Variants in PDE10A observed in about 807,000 individuals in gnomAD.
PDE10A encodes the protein cAMP and cAMP-inhibited cGMP 3',5'-cyclic phosphodiesterase 10A.
Under a neutral mutation model 97.7 loss-of-function variants are expected in PDE10A, and 39 were observed. The ratio of observed to expected loss-of-function variants is 0.40; its 90% CI spans 0.31 to 0.52. The LOEUF is 0.52. PDE10A is among the 20% of genes least tolerant of loss of function. The pLI, the probability that PDE10A is intolerant of heterozygous loss-of-function variation, is 0.56. For missense variants in PDE10A, 731 were observed against 1,047.8 expected, an observed-to-expected ratio of 0.70 and a Z score of 4.17; for synonymous variants, 371 against 376.8, an observed-to-expected ratio of 0.98 and a Z score of 0.18.
chr6:165,987,177 C>T (rs920944827), intron 1 of PDE10A, among the ~76,000 whole-genome samples: 1 of 152,168 alleles, frequency 6.6e-6, no homozygotes, highest in Non-Finnish European at 1.5e-5. Flanking sequence ...GCGCAGCCCT[C>T]GCTGGGAACT....
chr6:165,760,722 C>T (rs564694148), intron 1 of PDE10A, among the ~76,000 whole-genome samples: 60 of 152,214 alleles, frequency 3.9e-4, no homozygotes, highest in African/African-American at 1.4e-3. Flanking sequence ...CTCAGTTGAT[C>T]CTTTGATGTG....
chr6:165,844,493 G>A (rs868665517), intron 1 of PDE10A, among the ~76,000 whole-genome samples: 5 of 152,166 alleles, frequency 3.3e-5, no homozygotes, highest in African/African-American at 7.2e-5. Context: ...CTCTGTTTTC[G>A]AAAATGAACA....
chr6:165,548,457 G>C (rs1783848779), intron 1 of PDE10A, among the ~76,000 whole-genome samples: 1 of 151,660 alleles, frequency 6.6e-6, no homozygotes, highest in East Asian at 1.9e-4. Context: ...GAATAAAATA[G>C]GTTTTTAGTC....
At chr6:165,630,067 G>C (rs1296175685) in intron 1 of PDE10A, among the ~76,000 whole-genome samples, 2 of 152,094 alleles carry the variant, frequency 1.3e-5, no homozygotes, top group Non-Finnish European at 2.9e-5. Context: ...TCATATAGGG[G>C]CCAGGCACAG....
intron 1 of PDE10A, among the ~76,000 whole-genome samples, chr6:165,718,714 C>A (rs950395048): frequency 6.6e-6 from 1 of 152,058 alleles, no homozygotes; most frequent in East Asian, 1.9e-4. Context: ...AAAAGACCTG[C>A]AGTTATTGAA....
chr6:165,944,860 G>A (rs1783714174), intron 1 of PDE10A, among the ~76,000 whole-genome samples: 1 of 152,184 alleles, frequency 6.6e-6, no homozygotes, highest in Admixed American at 6.5e-5. Flanking sequence ...TACTTAAAGA[G>A]GATAAGGTCC....
chr6:165,609,757 A>G (rs1787400229), intron 1 of PDE10A, among the ~76,000 whole-genome samples: 1 of 152,224 alleles, frequency 6.6e-6, no homozygotes, highest in African/African-American at 2.4e-5. Flanking sequence ...TCCCATTCAC[A>G]ATTGCTTCAA....
At chr6:165,948,114 TATAG>T (rs935662794) in intron 1 of PDE10A, 1 of 151,910 alleles carries the variant, frequency 6.6e-6, no homozygotes, top group African/African-American at 2.4e-5. Flanking sequence ...TACATATATA[TATAG>T]AGAGAGAGTG....
chr6:165,641,439 T>C (rs1789129686), intron 1 of PDE10A, among the ~76,000 whole-genome samples: 2 of 152,196 alleles, frequency 1.3e-5, no homozygotes, highest in Admixed American at 1.3e-4. Flanking sequence ...GCATCACACA[T>C]GTTTTAAAGG....
chr6:165,725,380 C>T (rs1391691267), intron 1 of PDE10A, among the ~76,000 whole-genome samples: 2 of 152,214 alleles, frequency 1.3e-5, no homozygotes, highest in African/African-American at 2.4e-5. Context: ...ACACACTCAA[C>T]CCTAGAGGGT....
chr6:165,461,816 C>T (rs114159814), intron 3 of PDE10A, among the ~76,000 whole-genome samples: 4,290 of 152,336 alleles, frequency 0.028, 204 homozygotes, highest in African/African-American at 0.095. Flanking sequence ...AGATACAGCA[C>T]TACCTGGAAA....
intron 1 of PDE10A, among the ~76,000 whole-genome samples, chr6:165,589,949 A>G (rs887454445): frequency 6.6e-6 from 1 of 152,232 alleles, no homozygotes; most frequent in African/African-American, 2.4e-5. Context: ...CATTAAGAAA[A>G]AGACTTCAAA....
chr6:165,945,583 C>A (rs1783738632), intron 1 of PDE10A, among the ~76,000 whole-genome samples: 1 of 152,130 alleles, frequency 6.6e-6, no homozygotes, highest in African/African-American at 2.4e-5. Context: ...ATAAAAGAAA[C>A]CCCGTTGAGC....
chr6:165,734,954 ATAG>A lies in PDE10A; in HGVS notation c.-614-191389_-614-191387del, dbSNP rs1792527486. 6.6e-5 allele frequency among the ~76,000 whole-genome samples: 4 copies of A among 60,868 alleles called. No homozygotes were observed. The South Asian group carries it at 2.4e-3, about 37-fold the overall frequency. 39.9% of individuals were successfully genotyped at this position (60,868 alleles called of 152,430 possible). ...AGAAACAGAACCAATAAGAAAGTAG[ATAG>A]ATAGATAGATAGATAGATAGATAGA... On this transcript the variant is annotated intron_variant, in intron 1 of 19. Transcript: ENST00000366882.
chr6:165,761,625 C>T lies in PDE10A; in HGVS notation c.-614-218057G>A, dbSNP rs557044253. 2.2e-4 allele frequency among the ~76,000 whole-genome samples: 33 copies of T among 152,090 alleles called. No homozygotes were observed. The East Asian group carries it at 4.2e-3, about 20-fold the overall frequency. On this transcript the variant is annotated intron_variant, in intron 1 of 19. Coordinates refer to the PDE10A transcript ENST00000366882. ...TGTAAAAATAAATTGACAAAGGAGG[C>T]TCAATTATTATAATTACAGTTCTAG... is the stretch of plus-strand genomic sequence containing the variant.
chr6:165,691,073 CT>C (rs201710591), intron 1 of PDE10A, among the ~76,000 whole-genome samples: 1 of 85,998 alleles, frequency 1.2e-5, no homozygotes, highest in African/African-American at 7.2e-5. Context: ...CTCTCTCTCT[CT>C]TTCTCTCTCT....
intron 15 of PDE10A, among the ~76,000 whole-genome samples, chr6:165,393,202 A>C (rs1156888292): frequency 6.6e-6 from 1 of 152,206 alleles, no homozygotes; most frequent in African/African-American, 2.4e-5. Flanking sequence ...TTCCAAAAAG[A>C]ATATTCAGAC....
At chr6:165,623,904 T>C (rs1373465955) in intron 1 of PDE10A, among the ~76,000 whole-genome samples, 1 of 152,196 alleles carries the variant, frequency 6.6e-6, no homozygotes, top group East Asian at 1.9e-4. Flanking sequence ...CCTGGCTTCC[T>C]CCTCCTCAGT....
At chr6:165,522,839 C>T (rs1782210349) in intron 2 of PDE10A, among the ~76,000 whole-genome samples, 1 of 152,050 alleles carries the variant, frequency 6.6e-6, no homozygotes. Flanking sequence ...AATTATCGCT[C>T]ATCACTGATG....
Sources: allele counts gnomAD v4.1 joint callset (sites outside exome capture counted in the v4.1 genomes callset), GRCh38; gene constraint gnomAD v4.1.1; transcripts MANE v1.5; gene names NCBI Gene and HGNC (gene_info 2026-07-23, HGNC 2026-07-21).